PRKCB: variants seen among roughly 807,000 people sequenced by gnomAD.
PRKCB encodes the protein protein kinase C beta.
PRKCB carries 13 observed loss-of-function variants against 81.5 expected under a neutral mutation model. The ratio of observed to expected loss-of-function variants is 0.16; its 90% CI spans 0.10 to 0.25. The LOEUF (loss-of-function observed/expected upper bound fraction) is 0.25. PRKCB is among the 10% of genes least tolerant of loss of function. The pLI is 1.00. For missense variants in PRKCB, 509 were observed against 875.7 expected (o/e 0.58, Z 5.29); for synonymous variants, 335 against 321.4 (o/e 1.04, Z -0.45).
At chr16:24,027,269 T>C (rs1008585305) in intron 3 of PRKCB, among the ~76,000 whole-genome samples, 1 of 152,108 alleles carries the variant, frequency 6.6e-6, no homozygotes, top group African/African-American at 2.4e-5. Context: ...AGGTGTTCCT[T>C]TTTAGGTGGG....
At chr16:23,942,345 G>A (rs1964149938) in intron 2 of PRKCB, among the ~76,000 whole-genome samples, 1 of 152,218 alleles carries the variant, frequency 6.6e-6, no homozygotes, top group East Asian at 1.9e-4. Context: ...TGGCGTTGGA[G>A]CATACCAAAG....
At chr16:23,910,849 C>G (rs1188654457) in intron 2 of PRKCB, among the ~76,000 whole-genome samples, 1 of 152,044 alleles carries the variant, frequency 6.6e-6, no homozygotes, top group Non-Finnish European at 1.5e-5. Flanking sequence ...CCCTGCGGCC[C>G]CTGGTAACCA....
intron 16 of PRKCB, among the ~76,000 whole-genome samples, chr16:24,207,336 T>C (rs1462917396): frequency 6.6e-6 from 1 of 152,242 alleles, no homozygotes; most frequent in East Asian, 1.9e-4. Flanking sequence ...CTTCTTTTCT[T>C]ATTACAAAAT....
intron 9 of PRKCB, among the ~76,000 whole-genome samples, chr16:24,137,332 G>C (rs989272055): frequency 6.6e-6 from 1 of 152,096 alleles, no homozygotes; most frequent in Non-Finnish European, 1.5e-5. Context: ...GGGACTACAA[G>C]TGCATGCCAT....
intron 3 of PRKCB, among the ~76,000 whole-genome samples, chr16:24,024,166 T>C (rs564071732): frequency 6.6e-6 from 1 of 152,146 alleles, no homozygotes; most frequent in African/African-American, 2.4e-5. Flanking sequence ...TTTGCTACAA[T>C]GTGGATGAAC....
chr16:24,217,520 C>T lies in PRKCB; in HGVS notation c.*2704C>T, dbSNP rs1968247322. 1.0e-6 allele frequency: 1 copy of T among 985,480 alleles called. No individual in the cohort carries two copies. Among genetic ancestry groups the T allele is most frequent in the African/African-American group, 1.7e-5 (1 of 57,376 alleles). The allele number at this position is 985,480 out of a possible 1,614,324, so 61.0% of individuals were successfully genotyped here. ...ATCAACCTCAAAGAAATGATCTCAA[C>T]AGAGAAGCTTATTCTCTCCCAACTT... On this transcript the variant is annotated 3_prime_UTR_variant, in exon 17 of 17. Transcript: ENST00000643927.
chr16:23,948,933 C>G (rs1235717133), intron 2 of PRKCB, among the ~76,000 whole-genome samples: 1 of 112,814 alleles, frequency 8.9e-6, no homozygotes, highest in Non-Finnish European at 1.9e-5. Flanking sequence ...TTGCAAATCA[C>G]TTGTCAGTAG....
chr16:24,073,353 A>G (rs1312082890), intron 5 of PRKCB, among the ~76,000 whole-genome samples: 1 of 152,176 alleles, frequency 6.6e-6, no homozygotes, highest in Non-Finnish European at 1.5e-5. Context: ...TTTCTTAGAA[A>G]CAGGATCTTG....
At chr16:23,859,890 A>C (rs1597213027) in intron 2 of PRKCB, among the ~76,000 whole-genome samples, 1 of 151,580 alleles carries the variant, frequency 6.6e-6, no homozygotes, top group Admixed American at 6.6e-5. Context: ...AGAGAAAGAG[A>C]GAGAGAGAAA....
chr16:24,091,872 A>T (rs1349972524), intron 5 of PRKCB, among the ~76,000 whole-genome samples: 1 of 152,084 alleles, frequency 6.6e-6, no homozygotes, highest in Non-Finnish European at 1.5e-5. Flanking sequence ...GCTGAGCTCT[A>T]ATGCTGCTGA....
At chr16:23,850,447 C>A (rs1962454317) in intron 2 of PRKCB, among the ~76,000 whole-genome samples, 1 of 152,144 alleles carries the variant, frequency 6.6e-6, no homozygotes, top group African/African-American at 2.4e-5. Flanking sequence ...CTCACTGCAA[C>A]CTCCACCTCT....
intron 3 of PRKCB, among the ~76,000 whole-genome samples, chr16:24,029,604 A>C (rs1284647087): frequency 6.9e-6 from 1 of 145,128 alleles, no homozygotes; most frequent in Non-Finnish European, 1.5e-5. Context: ...AGACTAATAC[A>C]GTATGGAATT....
chr16:24,036,923 C>T (rs1016980007), intron 5 of PRKCB, among the ~76,000 whole-genome samples: 8 of 152,140 alleles, frequency 5.3e-5, no homozygotes, highest in African/African-American at 1.4e-4. Flanking sequence ...ATTTATGGGC[C>T]GCATGGGATG....
chr16:23,891,997 C>T (rs147970979), intron 2 of PRKCB, among the ~76,000 whole-genome samples: 2 of 152,284 alleles, frequency 1.3e-5, no homozygotes, highest in African/African-American at 4.8e-5. Flanking sequence ...CCTGCCCACA[C>T]CCTCCTAGAG....
chr16:24,201,396 ACTTCATT>A (rs1191898751), intron 16 of PRKCB, among the ~76,000 whole-genome samples: 1 of 152,198 alleles, frequency 6.6e-6, no homozygotes, highest in African/African-American at 2.4e-5. Context: ...CACTGTGTTG[ACTTCATT>A]CTTCATTCTC....
At chr16:24,003,757 A>T (rs924593882) in intron 3 of PRKCB, among the ~76,000 whole-genome samples, 1 of 152,078 alleles carries the variant, frequency 6.6e-6, no homozygotes, top group African/African-American at 2.4e-5. Flanking sequence ...GGGAGAACGA[A>T]CTCTTATAAC....
intron 2 of PRKCB, among the ~76,000 whole-genome samples, chr16:23,982,348 C>CCCTTTCCCTTCCCCTTCCCTTTCCCTTG (rs1211619187): frequency 3.5e-5 from 5 of 140,998 alleles, no homozygotes; most frequent in African/African-American, 1.3e-4. Context: ...CCTTTCCCTT[C>CCCTTTCCCTTCCCCTTCCCTTTCCCTTG]CCTTTCCCTT....
intron 5 of PRKCB, among the ~76,000 whole-genome samples, chr16:24,044,841 G>T (rs753554069): frequency 2.0e-5 from 3 of 152,192 alleles, no homozygotes; most frequent in Admixed American, 6.5e-5. Flanking sequence ...TAAGTGAAAG[G>T]GTTAGGTTGC....
intron 5 of PRKCB, among the ~76,000 whole-genome samples, chr16:24,037,573 G>A (rs899800210): frequency 6.6e-6 from 1 of 152,078 alleles, no homozygotes; most frequent in East Asian, 1.9e-4. Flanking sequence ...GTTTAGTTTA[G>A]TTTCGTTTCG....
Sources: allele counts gnomAD v4.1 joint callset (sites outside exome capture counted in the v4.1 genomes callset), GRCh38; gene constraint gnomAD v4.1.1; transcripts MANE v1.5; gene names NCBI Gene and HGNC (gene_info 2026-07-23, HGNC 2026-07-21).